ABCC1: variants seen among roughly 807,000 people sequenced by gnomAD.
ABCC1 encodes the protein multidrug resistance-associated protein 1.
A neutral mutation model predicts 172.9 loss-of-function variants in ABCC1; 83 were observed. The ratio of observed to expected loss-of-function variants is 0.48; its 90% CI spans 0.40 to 0.58. ABCC1 has a LOEUF of 0.58. Ranked by LOEUF, ABCC1 falls within the 20% of genes least tolerant of loss-of-function variation. The pLI, the probability that ABCC1 is intolerant of heterozygous loss-of-function variation, is 0.00. For missense variants in ABCC1, 1,817 were observed against 2,002.7 expected, an observed-to-expected ratio of 0.91 and a Z score of 1.77; for synonymous variants, 937 against 825.2, an observed-to-expected ratio of 1.14 and a Z score of -2.32.
At chr16:15,964,003 G>T (rs1317465949) in intron 1 of ABCC1, among the ~76,000 whole-genome samples, 1 of 151,816 alleles carries the variant, frequency 6.6e-6, no homozygotes, top group African/African-American at 2.4e-5. Context: ...GAGTGCAATG[G>T]CATGATCTCG....
At chr16:16,125,053 G>A in intron 25 of ABCC1, 138 bp downstream of exon 25, 2 of 1,252,064 alleles carry the variant, frequency 1.6e-6, no homozygotes, top group Middle Eastern at 2.2e-4. Flanking sequence ...CAGGTACAGT[G>A]CCACAGTGCC....
intron 14 of ABCC1, among the ~76,000 whole-genome samples, chr16:16,072,840 G>A (rs752734784): frequency 4.6e-5 from 7 of 151,286 alleles, no homozygotes; most frequent in Non-Finnish European, 4.4e-5. Flanking sequence ...TCAGGAGTTC[G>A]AGATCAGCCT....
At position 16,083,371 on chromosome 16, in the gene ABCC1, C is replaced by A; in HGVS notation, c.2121C>A (p.Ser707=). 2 of 1,613,250 alleles carry A rather than the reference C, an allele frequency of 1.2e-6. No homozygotes were observed. The highest frequency in any genetic ancestry group is 1.7e-6 in the Non-Finnish European group (2 of 1,179,794). The change falls in exon 17 of 31, where the codon TCC becomes TCA. Residue 707 remains serine, a synonymous_variant. Coordinates refer to ENST00000399410, the MANE Select transcript of ABCC1 (RefSeq NM_004996.4). ...KVEGHVAIKG[S]VAYVPQQAWI... ...GTTCTCCATTTGCAACTTAGGGCTC[C>A]GTGGCCTATGTGCCACAGCAGGCCT...
chr16:16,138,028 T>A (rs1280692556), intron 29 of ABCC1, among the ~76,000 whole-genome samples: 1 of 151,900 alleles, frequency 6.6e-6, no homozygotes, highest in African/African-American at 2.4e-5. Context: ...TTTGTTTATT[T>A]TTGTTTTTGG....
intron 13 of ABCC1, among the ~76,000 whole-genome samples, chr16:16,069,292 T>G (rs1473812354): frequency 7.9e-5 from 12 of 152,048 alleles, no homozygotes. Context: ...GAGGATCAGC[T>G]GAGCTTGGGA....
chr16:16,092,935 C>T (rs1206848881), intron 19 of ABCC1, among the ~76,000 whole-genome samples: 1 of 152,190 alleles, frequency 6.6e-6, no homozygotes, highest in Non-Finnish European at 1.5e-5. Flanking sequence ...TGCTGTGAGC[C>T]AAAATCATGC....
At position 16,136,603 on chromosome 16, in the gene ABCC1, C is replaced by A; in HGVS notation, c.4251C>A (p.Asp1417Glu). The A allele has an allele frequency of 1.9e-6, 3 of 1,614,118 alleles. No homozygotes were observed. The highest frequency in any genetic ancestry group is 1.7e-6 in the Non-Finnish European group (2 of 1,180,020). ...HLKDFVSALPDKLDHECAEGG... is the reference protein window; with the variant it reads ...HLKDFVSALPEKLDHECAEGG... ...AGGACTTCGTGTCAGCCCTTCCTGA[C>A]AAGCTAGACCATGAATGTGCAGAAG... Residue 1417 changes from aspartate (D) to glutamate (E), a missense_variant, in exon 29 of 31, where the codon GAC becomes GAA. This residue lies in a region of ABCC1 where 1,412 missense variants were observed against 1,600.3 expected (regional missense o/e 0.88). Transcript: ENST00000399410.
At chr16:16,099,670 G>A (rs2051637843) in intron 19 of ABCC1, among the ~76,000 whole-genome samples, 1 of 152,204 alleles carries the variant, frequency 6.6e-6, no homozygotes. Flanking sequence ...TTCAAATCCT[G>A]GGAGAGGGGC....
chr16:16,017,668 CA>C (rs1163779090), intron 5 of ABCC1, among the ~76,000 whole-genome samples: 1 of 152,176 alleles, frequency 6.6e-6, no homozygotes, highest in Non-Finnish European at 1.5e-5. Context: ...CTTGGCCTCT[CA>C]AAGTGCTGGG....
At chr16:15,995,004 G>A (rs181410882) in intron 1 of ABCC1, among the ~76,000 whole-genome samples, 96 of 150,918 alleles carry the variant, frequency 6.4e-4, no homozygotes, top group Non-Finnish European at 4.7e-4. Context: ...GGTAGCAGGC[G>A]TCTGTAATCC....
chr16:16,090,717 A>G (rs770634961), intron 19 of ABCC1, 129 bp downstream of exon 19: 1 of 1,024,724 alleles, frequency 9.8e-7, no homozygotes. Flanking sequence ...TGGGAGCTGG[A>G]TGGAGCCCCC....
At chr16:16,107,763 A>G (rs2052197495) in intron 21 of ABCC1, among the ~76,000 whole-genome samples, 1 of 151,984 alleles carries the variant, frequency 6.6e-6, no homozygotes, top group African/African-American at 2.4e-5. Context: ...AAGTGTTAAT[A>G]ATTCTCCATT....
rs1369432476 is a variant in ABCC1 at position 15,949,788 on chromosome 16, G to A, written c.37G>A (p.Asp13Asn). 5.0e-6 allele frequency: 6 copies of A among 1,196,930 alleles called. No individual in the cohort carries two copies. The highest frequency in any genetic ancestry group is 6.2e-6 in the Non-Finnish European group (6 of 965,514). The allele number at this position is 1,196,930 out of a possible 1,614,324, so 74.1% of individuals were successfully genotyped here. A position where few individuals can be genotyped will look rare whatever the true frequency, so the allele number is the denominator to read the frequency against. Residue 13 changes from aspartate to asparagine, a missense_variant, in exon 1 of 31, where the codon GAC (aspartate) becomes AAC (asparagine). This residue lies in a region of ABCC1 where 398 missense variants were observed against 384.2 expected (regional missense o/e 1.04). Transcript: ENST00000399410. Reference sequence around the variant, plus strand: ...GGGCTTCTGCAGCGCCGATGGCTCCGACCCGCTCTGGGTACGTGCCGGGGG... The same window carrying A: ...GGGCTTCTGCAGCGCCGATGGCTCCAACCCGCTCTGGGTACGTGCCGGGGG... The part of the protein sequence containing the change: ...LRGFCSADGS[D>N]PLWDWNVTWN...
At chr16:15,978,470 T>C (rs1227064598) in intron 1 of ABCC1, among the ~76,000 whole-genome samples, 1 of 152,212 alleles carries the variant, frequency 6.6e-6, no homozygotes, top group East Asian at 1.9e-4. Flanking sequence ...TGAAACTCTT[T>C]TCTGGATATT....
At chr16:16,122,372 C>T (rs571373012) in intron 24 of ABCC1, among the ~76,000 whole-genome samples, 198 bp downstream of exon 24, 7 of 152,250 alleles carry the variant, frequency 4.6e-5, no homozygotes, top group African/African-American at 1.7e-4. Context: ...CATGCAGTGC[C>T]CGCGGCATTT....
At chr16:16,050,531 G>A (rs1424774746) in intron 10 of ABCC1, among the ~76,000 whole-genome samples, 1 of 150,672 alleles carries the variant, frequency 6.6e-6, no homozygotes, top group Admixed American at 6.6e-5. Flanking sequence ...TTGTACATTT[G>A]TAGAGCAGAA....
At chr16:15,993,169 T>C (rs555973798) in intron 1 of ABCC1, among the ~76,000 whole-genome samples, 84 of 152,318 alleles carry the variant, frequency 5.5e-4, no homozygotes, top group African/African-American at 1.8e-3. Flanking sequence ...TTTTCCCCCA[T>C]GCCTGTGACT....
intron 12 of ABCC1, among the ~76,000 whole-genome samples, chr16:16,062,327 T>A (rs1282126922): frequency 6.6e-6 from 1 of 152,068 alleles, no homozygotes; most frequent in East Asian, 1.9e-4. Context: ...CAGGACTGGC[T>A]TTTCTTCTCT....
intron 24 of ABCC1, among the ~76,000 whole-genome samples, chr16:16,124,195 C>T (rs2045300177): frequency 6.6e-6 from 1 of 152,124 alleles, no homozygotes; most frequent in Admixed American, 6.6e-5. Context: ...TTATTTTCTA[C>T]TTGTTTTTAG....
Sources: allele counts gnomAD v4.1 joint callset (sites outside exome capture counted in the v4.1 genomes callset), GRCh38; gene constraint gnomAD v4.1.1; regional missense constraint gnomAD v4.1.1; transcripts MANE v1.5; gene names NCBI Gene and HGNC (gene_info 2026-07-23, HGNC 2026-07-21).